BCL9: variants seen among roughly 807,000 people sequenced by gnomAD.
The protein encoded by BCL9 is BCL9 transcription coactivator, also known as B-cell CLL/lymphoma 9 protein.
Under a neutral mutation model 88.5 loss-of-function variants are expected in BCL9, and 25 were observed. The ratio of observed to expected loss-of-function variants is 0.28; its 90% CI spans 0.21 to 0.39. BCL9 has a LOEUF of 0.39. Among genes scored for constraint, BCL9 ranks in the 10% least tolerant of loss-of-function variants. The pLI, the probability that BCL9 is intolerant of heterozygous loss-of-function variation, is 1.00. For missense variants in BCL9, 1,817 were observed against 1,877.8 expected (o/e 0.97, Z 0.60); for synonymous variants, 711 against 673.3 (o/e 1.06, Z -0.87).
rs1553205557 is a variant in BCL9 at position 147,622,341 on chromosome 1, A to G, written c.2973A>G (p.Thr991=). Residue 991 remains threonine, a synonymous_variant, in exon 9 of 10, where the codon ACA becomes ACG. Transcript: ENST00000234739. ...TCCCTGGAAGTCTTCCCTCTAGTAC[A>G]CCTTATACCATGCCTCCAGAGCCAA... The part of the protein sequence containing the change: ...VNIPGSLPSS[T]PYTMPPEPTL... The G allele has an allele frequency of 1.2e-6, 2 of 1,613,910 alleles. No individual in the cohort carries two copies. The highest frequency in any genetic ancestry group is 1.7e-6 in the Non-Finnish European group (2 of 1,179,972).
At chr1:147,547,413 A>G (rs1382049528) in intron 1 of BCL9, among the ~76,000 whole-genome samples, 9 of 152,162 alleles carry the variant, frequency 5.9e-5, no homozygotes, top group African/African-American at 1.2e-4. Context: ...TCTTAATGCA[A>G]TTTTTAGAAC....
At position 147,620,756 on chromosome 1, in the gene BCL9, G is replaced by A. The variant is rs370283874; in HGVS notation, c.2601G>A (p.Thr867=). The A allele has an allele frequency of 9.3e-6, 15 of 1,613,924 alleles. No homozygotes were observed. The highest frequency in any genetic ancestry group is 2.2e-5 in the East Asian group (1 of 44,896). Residue 867 remains threonine, a synonymous_variant, in exon 8 of 10, where the codon ACG becomes ACA. Coordinates refer to ENST00000234739, the MANE Select transcript of BCL9 (RefSeq NM_004326.4). ...SPGINPLKSP[T]MHQVQSPMLG... is the part of the protein sequence containing the mutation. ...GCATTAACCCTCTGAAGTCTCCCAC[G>A]ATGCACCAAGTCCAGTCACCAATGC...
chr1:147,619,545 C>T lies in BCL9; in HGVS notation c.1390C>T (p.His464Tyr), dbSNP rs1553204652. 6.2e-7 allele frequency: 1 copy of T among 1,613,974 alleles called. No homozygotes were observed. The highest frequency in any genetic ancestry group is 8.5e-7 in the Non-Finnish European group (1 of 1,180,032). ...SGTIGPDHLD[H>Y]MTPEQIAWLK... ...GACCATAGGACCCGACCACCTTGAC[C>T]ATATGACTCCCGAGCAGATAGCGTG... The change falls in exon 8 of 10, where the codon CAT (histidine) becomes TAT (tyrosine). Residue 464 changes from histidine (H) to tyrosine (Y), a missense_variant. Physicochemically the swap from His to Tyr is moderately conservative, Grantham distance 83. This residue lies in a region of BCL9 where 1,228 missense variants were observed against 1,191.6 expected (regional missense o/e 1.03). Transcript: ENST00000234739. The surrounding 1 kb of genome is among the most constrained non-coding windows in gnomAD (Gnocchi z 4.1).
intron 1 of BCL9, among the ~76,000 whole-genome samples, chr1:147,577,677 A>C (rs1570850198): frequency 6.6e-6 from 1 of 152,094 alleles, no homozygotes; most frequent in East Asian, 1.9e-4. Flanking sequence ...TGCTTTCCTT[A>C]GTGGAAAGAT....
chr1:147,560,704 G>A (rs1655338038), intron 1 of BCL9, among the ~76,000 whole-genome samples: 2 of 151,908 alleles, frequency 1.3e-5, no homozygotes, highest in South Asian at 4.2e-4. Flanking sequence ...TTGAGCCTAG[G>A]AGTTTAAGAC....
intron 5 of BCL9, among the ~76,000 whole-genome samples, chr1:147,613,752 G>T (rs587672939): frequency 6.6e-6 from 1 of 152,264 alleles, no homozygotes; most frequent in South Asian, 2.1e-4. Flanking sequence ...GTAGAGATTT[G>T]GCAGGCACCA....
In BCL9 at chr1:147,623,880, C is replaced by G. The variant is rs964865048; in HGVS notation, c.3202C>G (p.Pro1068Ala). The G allele has an allele frequency of 6.2e-7, 1 of 1,614,122 alleles. No homozygotes were observed. Among genetic ancestry groups the G allele is most frequent in the Non-Finnish European group, 8.5e-7 (1 of 1,180,000 alleles). Reference sequence around the variant, plus strand: ...TACACAGAATCCTCGAATTTCAGGTCCAAACCCCGTGGTTCCGATGCCAAC... The same window carrying G: ...TACACAGAATCCTCGAATTTCAGGTGCAAACCCCGTGGTTCCGATGCCAAC... ...INTQNPRISG[P>A]NPVVPMPTLS... Residue 1068 changes from proline to alanine, a missense_variant, in exon 10 of 10, where the codon CCA becomes GCA. Physicochemically the swap from Pro to Ala is conservative, Grantham distance 27. This residue lies in a region of BCL9 where 589 missense variants were observed against 686.2 expected (regional missense o/e 0.86). Transcript: ENST00000234739.
rs181211192 is a variant in BCL9, at chr1:147,594,086, T to G, written c.-477-10691T>G. Among the ~76,000 whole-genome samples the G allele has an allele frequency of 2.6e-5, 4 of 152,336 alleles. No individual in the cohort carries two copies. In the East Asian group the frequency reaches 7.7e-4, roughly 29 times the overall value. ...CTTAAGGTAGATAGAGGGGCCCTCATTGGGCTCAGCAGAACCAGTAGGGCT... is the reference window on the plus strand; with the variant it reads ...CTTAAGGTAGATAGAGGGGCCCTCAGTGGGCTCAGCAGAACCAGTAGGGCT... On this transcript the variant is annotated intron_variant, in intron 1 of 9. Coordinates refer to ENST00000234739, the MANE Select transcript of BCL9 (RefSeq NM_004326.4).
chr1:147,588,139 C>T (rs1157644296), intron 1 of BCL9, among the ~76,000 whole-genome samples: 2 of 152,152 alleles, frequency 1.3e-5, no homozygotes, highest in Non-Finnish European at 2.9e-5. Context: ...ATGAGCTGCT[C>T]ATACCACCTT....
chr1:147,583,996 G>A (rs782101426), intron 1 of BCL9, among the ~76,000 whole-genome samples: 76 of 151,874 alleles, frequency 5.0e-4, no homozygotes, highest in African/African-American at 1.5e-3. Context: ...ATCTTTCCCT[G>A]TCCCCAAGTT....
rs112583271 is a variant in BCL9 at position 147,620,993 on chromosome 1, C to G, written c.2838C>G (p.Ile946Met). 5 of 1,614,056 alleles carry G rather than the reference C, an allele frequency of 3.1e-6. No homozygotes were observed. The East Asian group carries it at 6.7e-5, about 22-fold the overall frequency. Reference protein sequence around the residue: ...SPKPPLQSPGIPPNHKAPLTM... With the variant: ...SPKPPLQSPGMPPNHKAPLTM... ...AACCTCCCCTTCAGAGTCCTGGGAT[C>G]CCTCCAAACCATAAAGCACCCCTCA... is the stretch of plus-strand genomic sequence containing the variant. The change falls in exon 8 of 10, where the codon ATC becomes ATG. Residue 946 changes from isoleucine to methionine, a missense_variant. Coordinates refer to ENST00000234739, the MANE Select transcript of BCL9 (RefSeq NM_004326.4).
At chr1:147,548,130 A>G (rs905347299) in intron 1 of BCL9, among the ~76,000 whole-genome samples, 2 of 152,162 alleles carry the variant, frequency 1.3e-5, no homozygotes, top group African/African-American at 4.8e-5. Flanking sequence ...TTTATCTGGG[A>G]TAATACTAGA....
chr1:147,543,717 G>A (rs186733978), intron 1 of BCL9, among the ~76,000 whole-genome samples: 2 of 152,260 alleles, frequency 1.3e-5, no homozygotes, highest in East Asian at 3.9e-4. Context: ...TATAGATGAG[G>A]ATGTTAAGGT....
intron 5 of BCL9, 64 bp downstream of exon 5, chr1:147,613,263 A>G: frequency 6.5e-7 from 1 of 1,545,822 alleles, no homozygotes; most frequent in Non-Finnish European, 8.9e-7. Context: ...GGCCTCTGAC[A>G]TTCGACAGAG....
intron 2 of BCL9, among the ~76,000 whole-genome samples, chr1:147,605,432 G>A (rs1553201860): frequency 6.6e-6 from 1 of 152,220 alleles, no homozygotes; most frequent in East Asian, 1.9e-4. Context: ...TCACAGAGAA[G>A]GGACATCTGT....
At chr1:147,595,425 T>C (rs917155453) in intron 1 of BCL9, among the ~76,000 whole-genome samples, 2 of 152,116 alleles carry the variant, frequency 1.3e-5, no homozygotes, top group Admixed American at 1.3e-4. Flanking sequence ...AAGAGTCCAG[T>C]AGCACAGGCT....
chr1:147,583,513 G>A (rs587716432), intron 1 of BCL9, among the ~76,000 whole-genome samples: 1 of 151,816 alleles, frequency 6.6e-6, no homozygotes, highest in African/African-American at 2.4e-5. Context: ...CCTGGCCTCA[G>A]GTGATCTGTC....
At chr1:147,560,171 G>A (rs192815074) in intron 1 of BCL9, among the ~76,000 whole-genome samples, 204 of 152,298 alleles carry the variant, frequency 1.3e-3, no homozygotes, top group African/African-American at 4.5e-3. Flanking sequence ...TGGGATAGAC[G>A]AAATTCATGA....
intron 1 of BCL9, among the ~76,000 whole-genome samples, chr1:147,576,549 T>C (rs1656119971): frequency 6.6e-6 from 1 of 152,110 alleles, no homozygotes; most frequent in Non-Finnish European, 1.5e-5. Flanking sequence ...TACTAAACAT[T>C]GTGGTGATAT....
Sources: gnomAD v4.1 joint callset for allele counts (sites outside exome capture counted in the v4.1 genomes callset) on GRCh38, gnomAD v4.1.1 for gene constraint, gnomAD v4.1.1 regional missense constraint, Gnocchi (gnomAD v3.1) non-coding constraint, MANE v1.5 for transcripts, NCBI Gene and HGNC (gene_info 2026-07-23, HGNC 2026-07-21) for gene names.